SPECC1L: variants seen among roughly 807,000 people sequenced by gnomAD.
The protein encoded by SPECC1L is cytospin-A.
Under a neutral mutation model 116.8 loss-of-function variants are expected in SPECC1L, and 40 were observed. The ratio of observed to expected loss-of-function variants is 0.34; its 90% CI spans 0.27 to 0.45. The LOEUF (loss-of-function observed/expected upper bound fraction) is 0.45. Ranked by LOEUF, SPECC1L falls within the 20% of genes least tolerant of loss-of-function variation. SPECC1L has a pLI of 1.00. For missense variants in SPECC1L, 1,110 were observed against 1,373.6 expected (o/e 0.81, Z 3.03); for synonymous variants, 504 against 500.6 (o/e 1.01, Z -0.09).
chr22:24,379,059 G>A (rs1030368208), intron 14 of SPECC1L, among the ~76,000 whole-genome samples: 3 of 151,986 alleles, frequency 2.0e-5, no homozygotes, highest in African/African-American at 7.2e-5. Context: ...ATGCTGTTAG[G>A]TGTCTTCATA....
At chr22:24,329,645 C>T (rs1457905354) in intron 7 of SPECC1L, among the ~76,000 whole-genome samples, 1 of 152,186 alleles carries the variant, frequency 6.6e-6, no homozygotes, top group South Asian at 2.1e-4. Flanking sequence ...GGAGGTGAGT[C>T]CCAGGGAGAC....
intron 3 of SPECC1L, among the ~76,000 whole-genome samples, chr22:24,312,890 C>A (rs536541003): frequency 1.3e-5 from 2 of 152,130 alleles, no homozygotes; most frequent in Non-Finnish European, 2.9e-5. Context: ...AGAATAAATT[C>A]TTTTAGATAC....
rs2042766974 is a variant in SPECC1L at position 24,414,567 on chromosome 22, G to A, written c.3298G>A (p.Asp1100Asn). The part of the protein sequence containing the change: ...INEMVRTERP[D>N]WQNVMLYVTA... Reference sequence around the variant, plus strand: ...TGAAATGGTACGGACTGAACGACCCGACTGGCAGAACGTGATGCTGTATGT... The same window carrying A: ...TGAAATGGTACGGACTGAACGACCCAACTGGCAGAACGTGATGCTGTATGT... Residue 1100 changes from aspartate (D) to asparagine (N), a missense_variant, in exon 17 of 17, where the codon GAC becomes AAC. Coordinates refer to ENST00000314328, the MANE Select transcript of SPECC1L (RefSeq NM_015330.6). 6 of 1,614,002 alleles carry A rather than the reference G, an allele frequency of 3.7e-6. No homozygotes were observed. Among genetic ancestry groups the A allele is most frequent in the African/African-American group, 2.7e-5 (2 of 75,042 alleles).
intron 14 of SPECC1L, among the ~76,000 whole-genome samples, chr22:24,393,958 T>G (rs1326377582): frequency 6.6e-6 from 1 of 152,220 alleles, no homozygotes; most frequent in Non-Finnish European, 1.5e-5. Flanking sequence ...AGGGGAGTTC[T>G]GGCTCCTTTC....
chr22:24,353,971 G>C (rs987721118), intron 11 of SPECC1L, among the ~76,000 whole-genome samples: 2 of 152,220 alleles, frequency 1.3e-5, no homozygotes, highest in African/African-American at 2.4e-5. Flanking sequence ...GGCTGTATAG[G>C]AGGCATGGTG....
intron 3 of SPECC1L, among the ~76,000 whole-genome samples, chr22:24,311,150 G>A (rs2040453768): frequency 6.6e-6 from 1 of 152,166 alleles, no homozygotes; most frequent in African/African-American, 2.4e-5. Context: ...TAAGTGCAAA[G>A]TTTATGATTT....
chr22:24,333,127 C>G (rs2040971996), intron 8 of SPECC1L, among the ~76,000 whole-genome samples: 1 of 152,142 alleles, frequency 6.6e-6, no homozygotes, highest in Non-Finnish European at 1.5e-5. Flanking sequence ...ACTCGGGAGA[C>G]TGAGGCAGGA....
At chr22:24,338,692 G>A (rs1249444118) in intron 10 of SPECC1L, among the ~76,000 whole-genome samples, 1 of 152,152 alleles carries the variant, frequency 6.6e-6, no homozygotes, top group Non-Finnish European at 1.5e-5. Context: ...TAATAATGAT[G>A]GCTAACAACA....
At chr22:24,303,568 T>C (rs1343076285) in intron 3 of SPECC1L, among the ~76,000 whole-genome samples, 1 of 152,206 alleles carries the variant, frequency 6.6e-6, no homozygotes, top group Non-Finnish European at 1.5e-5. Flanking sequence ...TTTATGTGAC[T>C]GGAAGAACAG....
chr22:24,313,713 T>C (rs2146443402), intron 4 of SPECC1L, among the ~76,000 whole-genome samples: 1 of 151,876 alleles, frequency 6.6e-6, no homozygotes, highest in East Asian at 1.9e-4. Flanking sequence ...CATCCATAAA[T>C]ACTTTATTAT....
chr22:24,348,490 T>A (rs2041350960), intron 11 of SPECC1L, among the ~76,000 whole-genome samples: 1 of 152,200 alleles, frequency 6.6e-6, no homozygotes, highest in South Asian at 2.1e-4. Flanking sequence ...AAGGTGGTGC[T>A]GCTACTACCT....
intron 3 of SPECC1L, among the ~76,000 whole-genome samples, chr22:24,310,276 G>A (rs945312574): frequency 3.3e-5 from 5 of 152,216 alleles, no homozygotes; most frequent in South Asian, 2.1e-4. Flanking sequence ...CATTTAAGGC[G>A]TACCAGTATT....
chr22:24,335,584 A>C (rs1194942855), intron 9 of SPECC1L, among the ~76,000 whole-genome samples: 1 of 152,222 alleles, frequency 6.6e-6, no homozygotes, highest in Non-Finnish European at 1.5e-5. Context: ...CAGAAGCTCA[A>C]ATTTTTATCT....
Position 24,321,327 on chromosome 22 carries a change from A to G in SPECC1L, c.347A>G (p.Asn116Ser). The change falls in exon 5 of 17, where the codon AAT becomes AGT. Residue 116 changes from asparagine to serine, a missense_variant. Physicochemically the swap from Asn to Ser is conservative, Grantham distance 46. Coordinates refer to ENST00000314328, the MANE Select transcript of SPECC1L (RefSeq NM_015330.6). ...SSTKRSTSTG[N>S]KESSSTRERL... ...ACCAAGCGGAGCACTTCTACAGGTAATAAAGAATCCAGTTCTACTAGAGAA... is the reference window on the plus strand; with the variant it reads ...ACCAAGCGGAGCACTTCTACAGGTAGTAAAGAATCCAGTTCTACTAGAGAA... 1.2e-6 allele frequency: 2 copies of G among 1,614,246 alleles called. No homozygotes were observed. Among genetic ancestry groups the G allele is most frequent in the South Asian group, 1.1e-5 (1 of 91,090 alleles).
In SPECC1L at chr22:24,415,121, G is replaced by A. The variant is rs184733482; in HGVS notation, c.*498G>A. 9.1e-4 allele frequency: 182 copies of A among 200,122 alleles called. No homozygotes were observed. The highest frequency in any genetic ancestry group is 4.5e-3 in the Middle Eastern group (2 of 444). 12.4% of individuals were successfully genotyped at this position (200,122 alleles called of 1,614,324 possible). ...TTCCCAGCGCCCTGGGCCCTTCACC[G>A]TCCTAGTTTGGAGGAGCATGTTCAC... On this transcript the variant is annotated 3_prime_UTR_variant, in exon 17 of 17. Transcript: ENST00000314328.
At chr22:24,333,806 T>C (rs2040989747) in intron 8 of SPECC1L, among the ~76,000 whole-genome samples, 1 of 152,012 alleles carries the variant, frequency 6.6e-6, no homozygotes, top group African/African-American at 2.4e-5. Context: ...GTCTACCTCC[T>C]TTTTTACTGC....
intron 2 of SPECC1L, among the ~76,000 whole-genome samples, chr22:24,292,951 T>A (rs2049182616): frequency 6.6e-6 from 1 of 152,220 alleles, no homozygotes; most frequent in African/African-American, 2.4e-5. Flanking sequence ...GTTTAGATTT[T>A]TTAGAATACA....
Position 24,324,394 on chromosome 22 carries a change from C to A in SPECC1L, c.2113C>A (p.Leu705Ile), listed in dbSNP as rs1269789640. The change falls in exon 6 of 17, where the codon CTT becomes ATT. Residue 705 changes from leucine to isoleucine, a missense_variant. By Grantham distance (5) the Leu-to-Ile change is conservative. This residue lies in a region of SPECC1L where 575 missense variants were observed against 682.4 expected (regional missense o/e 0.84). Transcript: ENST00000314328. Reference protein sequence around the residue: ...DEVEQHRAVKLHDNLIISDLE... With the variant: ...DEVEQHRAVKIHDNLIISDLE... The stretch of plus-strand genomic sequence containing the variant: ...AGTAGAACAACATCGTGCTGTGAAA[C>A]TTCATGACAACCTCATTATTTCTGA... The A allele has an allele frequency of 6.2e-7, 1 of 1,614,110 alleles. No homozygotes were observed. Among genetic ancestry groups the A allele is most frequent in the East Asian group, 2.2e-5 (1 of 44,868 alleles).
intron 14 of SPECC1L, among the ~76,000 whole-genome samples, chr22:24,390,881 T>TTTTTTTTTTC (rs2042257796): frequency 1.7e-5 from 2 of 119,224 alleles, no homozygotes; most frequent in East Asian, 4.9e-4. Flanking sequence ...TCTTTTTTTT[T>TTTTTTTTTTC]TTTTTTTTTT....
Sources: allele counts gnomAD v4.1 joint callset (sites outside exome capture counted in the v4.1 genomes callset), GRCh38; gene constraint gnomAD v4.1.1; regional missense constraint gnomAD v4.1.1; transcripts MANE v1.5; gene names NCBI Gene and HGNC (gene_info 2026-07-23, HGNC 2026-07-21).